SNX29: variants seen among roughly 807,000 people sequenced by gnomAD.
SNX29 encodes sorting nexin-29.
In SNX29, 78 loss-of-function variants were observed where a neutral mutation model predicts 102.1. The observed-to-expected ratio is 0.76, with a 90% confidence interval of 0.64 to 0.92. The LOEUF (loss-of-function observed/expected upper bound fraction) is 0.92, where lower values mean the gene tolerates loss of function less well. SNX29 is among the 40% of genes least tolerant of loss of function. The probability of loss-of-function intolerance (pLI) is 0.00; values close to 1 mark genes in which losing one functional copy is unlikely to be tolerated. For synonymous variants in SNX29, 580 were observed against 414.5 expected (o/e 1.40, Z -4.85); for missense variants, 1,280 against 1,061.7 (o/e 1.21, Z -2.86).
chr16:12,197,650 C>G (rs2076810892), intron 13 of SNX29, among the ~76,000 whole-genome samples: 1 of 152,174 alleles, frequency 6.6e-6, no homozygotes, highest in South Asian at 2.1e-4. Flanking sequence ...ATTTTAAGGA[C>G]TTGTTATTTT....
At chr16:12,162,205 C>T (rs1037472578) in intron 13 of SNX29, among the ~76,000 whole-genome samples, 1 of 152,206 alleles carries the variant, frequency 6.6e-6, no homozygotes, top group Non-Finnish European at 1.5e-5. Context: ...CGGTCGGCTC[C>T]TTCTGAGGGT....
At chr16:12,562,823 T>A (rs904769959) in intron 20 of SNX29, among the ~76,000 whole-genome samples, 1 of 152,122 alleles carries the variant, frequency 6.6e-6, no homozygotes, top group Non-Finnish European at 1.5e-5. Flanking sequence ...CCCCCCAAAT[T>A]TCCTAGCATT....
intron 18 of SNX29, among the ~76,000 whole-genome samples, chr16:12,447,165 CAAAAAAAAAAAAAA>C (rs59942122): frequency 5.0e-4 from 22 of 43,912 alleles, no homozygotes; most frequent in Admixed American, 1.3e-3. Context: ...GACTCTGTCT[CAAAAAAAAAAAAAA>C]AAAAAAAAAA....
intron 16 of SNX29, among the ~76,000 whole-genome samples, chr16:12,384,853 G>A (rs952307370): frequency 1.3e-4 from 20 of 152,090 alleles, no homozygotes; most frequent in Admixed American, 1.1e-3. Flanking sequence ...CAGTGTAGGC[G>A]GTGGTGTAAT....
At position 12,042,585 on chromosome 16, in the gene SNX29, G is replaced by A. The variant is rs564157978; in HGVS notation, c.248-312G>A. On this transcript the variant is annotated intron_variant, in intron 4 of 20. Coordinates refer to ENST00000566228, the MANE Select transcript of SNX29 (RefSeq NM_032167.5). ...TATAAGTGAGACTATCCAATATTTC[G>A]TTTTCTATTTCTGTGTAATTCGCTT... is the stretch of plus-strand genomic sequence containing the variant. Among the ~76,000 whole-genome samples the A allele has an allele frequency of 5.3e-5, 8 of 152,226 alleles. No homozygotes were observed. The South Asian group carries it at 1.2e-3, about 24-fold the overall frequency.
intron 16 of SNX29, among the ~76,000 whole-genome samples, chr16:12,362,265 G>GTAGAT (rs1236012960): frequency 1.3e-5 from 2 of 152,180 alleles, no homozygotes; most frequent in Non-Finnish European, 2.9e-5. Flanking sequence ...AATCCTCAGT[G>GTAGAT]TAGATGAAAT....
At chr16:12,514,147 A>G (rs2089758119) in intron 19 of SNX29, among the ~76,000 whole-genome samples, 1 of 152,110 alleles carries the variant, frequency 6.6e-6, no homozygotes, top group African/African-American at 2.4e-5. Context: ...AGAAAGGCAG[A>G]TTTTCAATGC....
intron 20 of SNX29, chr16:12,527,216 A>G (rs61744575): frequency 5.6e-6 from 3 of 533,782 alleles, no homozygotes; most frequent in Non-Finnish European, 1.1e-5. Flanking sequence ...ATTTTGGGGT[A>G]ATGATGGATC....
intron 20 of SNX29, among the ~76,000 whole-genome samples, chr16:12,538,113 C>A (rs989881721): frequency 7.9e-6 from 1 of 126,182 alleles, no homozygotes; most frequent in African/African-American, 3.1e-5. Context: ...TCTGCATTTC[C>A]CCTTGCATTT....
intron 16 of SNX29, among the ~76,000 whole-genome samples, chr16:12,390,155 T>G (rs913566998): frequency 6.7e-6 from 1 of 149,872 alleles, no homozygotes; most frequent in African/African-American, 2.5e-5. Context: ...GAGGGGTGTG[T>G]GTGTGTGTGT....
rs1330514578 is a variant in SNX29 at position 12,570,239 on chromosome 16, A to C, written c.*1610A>C. The stretch of plus-strand genomic sequence containing the variant: ...GCCAGATAAGCCCTGCCCCGGTGAG[A>C]CCAAATGAGCTGGAGCATGTATGGA... On this transcript the variant is annotated 3_prime_UTR_variant, in exon 21 of 21. Transcript: ENST00000566228. The C allele has an allele frequency of 9.4e-7, 1 of 1,065,256 alleles. No homozygotes were observed. Among genetic ancestry groups the C allele is most frequent in the Non-Finnish European group, 1.1e-6 (1 of 879,290 alleles). 66.0% of individuals were successfully genotyped at this position (1,065,256 alleles called of 1,614,324 possible).
chr16:12,304,864 C>T (rs1192618953), intron 15 of SNX29, among the ~76,000 whole-genome samples: 1 of 152,204 alleles, frequency 6.6e-6, no homozygotes, highest in African/African-American at 2.4e-5. Flanking sequence ...CGAGAACATT[C>T]TGGAAAGCTG....
chr16:11,998,686 A>G (rs895487235), intron 1 of SNX29, among the ~76,000 whole-genome samples: 3 of 152,214 alleles, frequency 2.0e-5, no homozygotes, highest in African/African-American at 4.8e-5. Context: ...TCTTTCTATC[A>G]GAAATGAATG....
chr16:12,459,354 G>A (rs1328450140), intron 18 of SNX29, among the ~76,000 whole-genome samples: 2 of 151,840 alleles, frequency 1.3e-5, no homozygotes, highest in African/African-American at 4.8e-5. Flanking sequence ...GGATGGGGTG[G>A]AACACCCTCA....
At chr16:12,093,773 G>T (rs906732024) in intron 11 of SNX29, 5 of 152,168 alleles carry the variant, frequency 3.3e-5, no homozygotes, top group African/African-American at 1.2e-4. Flanking sequence ...TAGTTTTAGA[G>T]ATTTCAGATA....
intron 14 of SNX29, among the ~76,000 whole-genome samples, chr16:12,271,240 G>C (rs2079084197): frequency 1.3e-5 from 2 of 152,238 alleles, no homozygotes; most frequent in Non-Finnish European, 2.9e-5. Context: ...CTCCCCTAAG[G>C]CTCTGTCATG....
intron 14 of SNX29, among the ~76,000 whole-genome samples, chr16:12,253,984 C>T (rs899190044): frequency 6.6e-6 from 1 of 152,070 alleles, no homozygotes; most frequent in African/African-American, 2.4e-5. Context: ...GAAGGATTTC[C>T]AGGAACACGG....
intron 19 of SNX29, among the ~76,000 whole-genome samples, chr16:12,516,580 A>G (rs1433098640): frequency 6.6e-6 from 1 of 151,864 alleles, no homozygotes; most frequent in Non-Finnish European, 1.5e-5. Context: ...AGAATTCTCT[A>G]GCCAGTGACA....
chr16:11,988,541 T>C (rs1277321500), intron 1 of SNX29, among the ~76,000 whole-genome samples: 2 of 152,018 alleles, frequency 1.3e-5, no homozygotes, highest in African/African-American at 2.4e-5. Flanking sequence ...GGACTACAGG[T>C]GTGTGCCACC....
Sources: allele counts gnomAD v4.1 joint callset (sites outside exome capture counted in the v4.1 genomes callset), GRCh38; gene constraint gnomAD v4.1.1; transcripts MANE v1.5; gene names NCBI Gene and HGNC (gene_info 2026-07-23, HGNC 2026-07-21).